STEAP3: variants seen among roughly 807,000 people sequenced by gnomAD.
STEAP3 encodes the protein metalloreductase STEAP3.
STEAP3 carries 35 observed loss-of-function variants against 34.9 expected under a neutral mutation model. The ratio of observed to expected loss-of-function variants is 1.00; its 90% confidence interval spans 0.76 to 1.33. STEAP3 has a LOEUF of 1.33. Ranked by LOEUF, STEAP3 falls within the 40% of genes most tolerant of loss-of-function variation. STEAP3 has a pLI of 0.00. For synonymous variants in STEAP3, 281 were observed against 301.6 expected, an observed-to-expected ratio of 0.93 and a Z score of 0.71; for missense variants, 652 against 667.6, an observed-to-expected ratio of 0.98 and a Z score of 0.26.
chr2:119,249,533 C>T (rs1260904359), intron 4 of STEAP3, among the ~76,000 whole-genome samples: 1 of 152,198 alleles, frequency 6.6e-6, no homozygotes, highest in Admixed American at 6.5e-5. Context: ...CTCATCCACC[C>T]CTCATTCCAG....
intron 5 of STEAP3, among the ~76,000 whole-genome samples, chr2:119,257,283 G>A (rs1341658335): frequency 1.3e-5 from 2 of 152,220 alleles, no homozygotes; most frequent in African/African-American, 4.8e-5. Context: ...GGACAGCAGA[G>A]TAAAACATGG....
chr2:119,225,982 T>C (rs540250691), intron 1 of STEAP3, among the ~76,000 whole-genome samples: 1 of 152,364 alleles, frequency 6.6e-6, no homozygotes, highest in East Asian at 1.9e-4. Flanking sequence ...GTGAGGGGCC[T>C]TCCAGGCCTA....
chr2:119,231,905 C>T (rs1676950714), intron 2 of STEAP3, among the ~76,000 whole-genome samples: 1 of 152,106 alleles, frequency 6.6e-6, no homozygotes. Context: ...GACTGGCATC[C>T]TCTGGCCTCT....
At chr2:119,235,691 G>A (rs1677074259) in intron 2 of STEAP3, among the ~76,000 whole-genome samples, 1 of 152,272 alleles carries the variant, frequency 6.6e-6, no homozygotes, top group Non-Finnish European at 1.5e-5. Context: ...GGAGCTTGGA[G>A]TGGGGGAGAA....
chr2:119,236,469 T>A (rs1407585062), intron 2 of STEAP3, among the ~76,000 whole-genome samples: 1 of 152,198 alleles, frequency 6.6e-6, no homozygotes, highest in Non-Finnish European at 1.5e-5. Flanking sequence ...TGATCCTGAA[T>A]AAATCCAGAG....
intron 2 of STEAP3, among the ~76,000 whole-genome samples, chr2:119,234,224 T>G (rs1236325961): frequency 6.6e-6 from 1 of 152,050 alleles, no homozygotes; most frequent in Non-Finnish European, 1.5e-5. Flanking sequence ...GGCCCATCCC[T>G]GATTCAGCAA....
At chr2:119,229,435 C>T (rs1428845167) in intron 1 of STEAP3, among the ~76,000 whole-genome samples, 2 of 152,164 alleles carry the variant, frequency 1.3e-5, no homozygotes, top group Admixed American at 6.5e-5. Context: ...AGAGGGGCCA[C>T]GTGCAGTGAG....
At chr2:119,246,989 C>G (rs1358484077) in intron 3 of STEAP3, 2 of 152,204 alleles carry the variant, frequency 1.3e-5, no homozygotes, top group African/African-American at 2.4e-5. Context: ...GCTGAGAGAT[C>G]ATATATGTAA....
chr2:119,240,161 G>A (rs183206570), intron 2 of STEAP3, among the ~76,000 whole-genome samples: 4 of 152,280 alleles, frequency 2.6e-5, no homozygotes, highest in Admixed American at 6.5e-5. Flanking sequence ...TCGAGATCGC[G>A]CCACTGCACT....
chr2:119,260,523 C>T (rs1277605155), intron 5 of STEAP3, among the ~76,000 whole-genome samples: 4 of 152,056 alleles, frequency 2.6e-5, no homozygotes, highest in Non-Finnish European at 5.9e-5. Context: ...CTTGAACTCC[C>T]AACCTCAGGT....
rs1276244328 is a variant in STEAP3 at position 119,263,702 on chromosome 2, G to A, written c.*364G>A. The A allele has an allele frequency of 1.1e-5, 4 of 358,852 alleles. No homozygotes were observed. In the Admixed American group the frequency reaches 1.2e-4, roughly 11 times the overall value. 22.2% of individuals were successfully genotyped at this position (358,852 alleles called of 1,614,324 possible). A position where few individuals can be genotyped will look rare whatever the true frequency, so the allele number is the denominator to read the frequency against. On this transcript the variant is annotated 3_prime_UTR_variant, in exon 6 of 6. Coordinates refer to ENST00000393110, the MANE Select transcript of STEAP3 (RefSeq NM_182915.3). ...TACACACACTTTTTGTACAGAAGAG[G>A]CTTGTGCTGTGGTGGGTTCGATTTA... is the stretch of plus-strand genomic sequence containing the variant.
chr2:119,231,623 G>C (rs1420643872), intron 2 of STEAP3, among the ~76,000 whole-genome samples: 1 of 152,052 alleles, frequency 6.6e-6, no homozygotes. Context: ...TCCATCAGAC[G>C]AAACTTGCGC....
At position 119,264,120 on chromosome 2, in the gene STEAP3, A is replaced by G. The variant is rs1309239926; in HGVS notation, c.*782A>G. On this transcript the variant is annotated 3_prime_UTR_variant, in exon 6 of 6. Transcript: ENST00000393110. ...AGCCATTAGTGAGCCTGGCTTGGGAACAAGTGTAATTTCCTTCCCTCCTTT... is the reference window on the plus strand; with the variant it reads ...AGCCATTAGTGAGCCTGGCTTGGGAGCAAGTGTAATTTCCTTCCCTCCTTT... The G allele has an allele frequency of 6.5e-6, 1 of 153,274 alleles. No homozygotes were observed. Among genetic ancestry groups the G allele is most frequent in the East Asian group, 1.9e-4 (1 of 5,196 alleles). The allele number at this position is 153,274 out of a possible 1,614,324, so 9.5% of individuals were successfully genotyped here.
intron 4 of STEAP3, among the ~76,000 whole-genome samples, chr2:119,253,341 T>C (rs550902485): frequency 3.0e-4 from 45 of 152,316 alleles, no homozygotes; most frequent in Admixed American, 2.9e-3. Context: ...TTTTCACAGA[T>C]TGCAGGAAAA....
At chr2:119,248,467 T>G in intron 4 of STEAP3, 1 of 483,836 alleles carries the variant, frequency 2.1e-6, no homozygotes, top group South Asian at 3.3e-5. Flanking sequence ...CAGTGAGTCA[T>G]AGTGGGCGTT....
At chr2:119,249,672 G>A (rs2104829515) in intron 4 of STEAP3, among the ~76,000 whole-genome samples, 1 of 152,278 alleles carries the variant, frequency 6.6e-6, no homozygotes, top group South Asian at 2.1e-4. Flanking sequence ...CTGGGAAGCA[G>A]GGCTGGGCAC....
At chr2:119,246,618 G>A (rs1222582970) in intron 3 of STEAP3, 1 of 155,236 alleles carries the variant, frequency 6.4e-6, no homozygotes, top group African/African-American at 2.4e-5. Flanking sequence ...ACTTCCACCA[G>A]TGAGTCGAGC....
At chr2:119,241,678 G>A (rs1351860351) in intron 2 of STEAP3, among the ~76,000 whole-genome samples, 1 of 152,178 alleles carries the variant, frequency 6.6e-6, no homozygotes, top group Non-Finnish European at 1.5e-5. Context: ...AGGGGCAGAC[G>A]TGGGACCAGC....
chr2:119,244,033 A>G (rs1333669133), intron 2 of STEAP3, among the ~76,000 whole-genome samples: 1 of 152,202 alleles, frequency 6.6e-6, no homozygotes, highest in Non-Finnish European at 1.5e-5. Context: ...TTCTGCTCAG[A>G]ATAATGTTCT....
Sources: allele counts gnomAD v4.1 joint callset (sites outside exome capture counted in the v4.1 genomes callset), GRCh38; gene constraint gnomAD v4.1.1; transcripts MANE v1.5; gene names NCBI Gene and HGNC (gene_info 2026-07-23, HGNC 2026-07-21).